The following FAM120A variants were observed in gnomAD, a reference collection of about 807,000 sequenced individuals.
FAM120A encodes the protein constitutive coactivator of PPAR-gamma-like protein 1.
In FAM120A, 15 loss-of-function variants were observed where a neutral mutation model predicts 109.7. The ratio of observed to expected loss-of-function variants is 0.14; its 90% CI spans 0.09 to 0.21. The LOEUF (loss-of-function observed/expected upper bound fraction) is 0.21. FAM120A is among the 10% of genes least tolerant of loss of function. The pLI, the probability that FAM120A is intolerant of heterozygous loss-of-function variation, is 1.00. For missense variants in FAM120A, 899 were observed against 1,439.3 expected (o/e 0.62, Z 6.07); for synonymous variants, 493 against 572.8 (o/e 0.86, Z 1.99).
chr9:93,562,599 A>G (rs1243453037), intron 17 of FAM120A, among the ~76,000 whole-genome samples: 1 of 149,232 alleles, frequency 6.7e-6, no homozygotes, highest in Non-Finnish European at 1.5e-5. Flanking sequence ...TACCTTGGGC[A>G]TTGCCTAGCC....
chr9:93,534,164 G>C (rs1040427272), intron 10 of FAM120A, among the ~76,000 whole-genome samples: 1 of 152,192 alleles, frequency 6.6e-6, no homozygotes, highest in Non-Finnish European at 1.5e-5. Context: ...AGGTTGGGAG[G>C]TCTCCGTCTG....
At chr9:93,488,039 A>C (rs1335281347) in intron 3 of FAM120A, among the ~76,000 whole-genome samples, 2 of 152,064 alleles carry the variant, frequency 1.3e-5, no homozygotes, top group Non-Finnish European at 2.9e-5. Flanking sequence ...CTCTTTCCTC[A>C]TATACACATT....
At position 93,564,398 on chromosome 9, in the gene FAM120A, G is replaced by C. The variant is rs746041831; in HGVS notation, c.3215G>C (p.Arg1072Thr). Reference sequence around the variant, plus strand: ...ATGAACGGGAGCACGGGTGACGCCAGGGCCCCCAGCCACTCTGAAAGTGCC... The same window carrying C: ...ATGAACGGGAGCACGGGTGACGCCACGGCCCCCAGCCACTCTGAAAGTGCC... ...PQMNGSTGDA[R>T]APSHSESALN... The change falls in exon 18 of 18, where the codon AGG (arginine) becomes ACG (threonine). Residue 1072 changes from arginine (R) to threonine (T), a missense_variant. Arg to Thr is a moderately conservative substitution (Grantham distance 71). This residue lies in a region of FAM120A where 170 missense variants were observed against 205.0 expected (regional missense o/e 0.83). Transcript: ENST00000277165. 3.1e-6 allele frequency: 5 copies of C among 1,613,234 alleles called. No homozygotes were observed. In the Admixed American group the frequency reaches 6.7e-5, roughly 22 times the overall value.
chr9:93,473,321 G>A (rs1858395114), intron 2 of FAM120A, among the ~76,000 whole-genome samples: 1 of 151,318 alleles, frequency 6.6e-6, no homozygotes, highest in Non-Finnish European at 1.5e-5. Context: ...TTTTTTTGTT[G>A]TTGAAACAGG....
chr9:93,562,720 C>T (rs1282660223), intron 17 of FAM120A, among the ~76,000 whole-genome samples: 1 of 149,104 alleles, frequency 6.7e-6, no homozygotes, highest in South Asian at 2.1e-4. Flanking sequence ...GCTGGAGTGC[C>T]GTGGCACAAT....
At chr9:93,529,240 G>T in intron 8 of FAM120A, 113 bp from the exon 9 acceptor site, 2 of 917,646 alleles carry the variant, frequency 2.2e-6, no homozygotes, top group Non-Finnish European at 3.2e-6. Flanking sequence ...TCTAAGACAG[G>T]ACTCATCTTT....
Position 93,497,621 on chromosome 9 carries a change from A to C in FAM120A, c.933+22A>C, listed in dbSNP as rs779733953. 29 of 1,590,990 alleles carry C rather than the reference A, an allele frequency of 1.8e-5. No individual in the cohort carries two copies. In the African/African-American group the frequency reaches 3.7e-4, roughly 20 times the overall value. On this transcript the variant is annotated intron_variant, in intron 4 of 17. Coordinates refer to ENST00000277165, the MANE Select transcript of FAM120A (RefSeq NM_014612.5). ...ACAGGTAAAAAAAAAAACAAACAAAACAAAAAAACAGATTCATGGGATATG... is the reference window on the plus strand; with the variant it reads ...ACAGGTAAAAAAAAAAACAAACAAACCAAAAAAACAGATTCATGGGATATG...
chr9:93,562,141 G>C (rs1365138142), intron 16 of FAM120A, 67 bp from the exon 17 acceptor site: 11 of 1,254,868 alleles, frequency 8.8e-6, no homozygotes, highest in Non-Finnish European at 1.3e-5. Flanking sequence ...AAAATCATTT[G>C]ATACTATTTT....
rs2261809 is a variant in FAM120A, at chr9:93,516,334, G to A, written c.1418+65G>A. ...AGTGACCTGGGGAAGCTGCCTTCTG[G>A]CCTGCCAGCCCAGCTGGTGTTTTGC... On this transcript the variant is annotated intron_variant, in intron 7 of 17. Transcript: ENST00000277165. 2.5e-3 allele frequency: 3,932 copies of A among 1,584,178 alleles called. 28 individuals are homozygous for A. Among genetic ancestry groups the A allele is most frequent in the South Asian group, 0.013 (1,081 of 85,778 alleles).
Position 93,511,002 on chromosome 9 carries a change from G to C in FAM120A, c.1031-4665G>C, listed in dbSNP as rs142909249. Among the ~76,000 whole-genome samples the C allele has an allele frequency of 4.6e-3, 693 of 151,836 alleles. 8 individuals are homozygous for C. Among genetic ancestry groups the C allele is most frequent in the African/African-American group, 0.016 (639 of 41,220 alleles). On this transcript the variant is annotated intron_variant, in intron 5 of 17. Transcript: ENST00000277165. ...TTATAGAAGTTCAGCCCAGCTCCCT[G>C]CTGTAGAATGTTCTTGTATGAGCAG...
chr9:93,558,792 T>C, intron 15 of FAM120A, 74 bp downstream of exon 15: 2 of 1,526,942 alleles, frequency 1.3e-6, no homozygotes, highest in African/African-American at 2.7e-5. Context: ...GCGCCTTCCT[T>C]CCTCTACTGT....
chr9:93,475,080 A>G (rs751073253), intron 2 of FAM120A, among the ~76,000 whole-genome samples: 6 of 152,162 alleles, frequency 3.9e-5, no homozygotes, highest in Non-Finnish European at 7.3e-5. Flanking sequence ...AATGCTTAGG[A>G]CCAGAAGTAT....
intron 1 of FAM120A, among the ~76,000 whole-genome samples, chr9:93,454,068 C>G (rs373701114): frequency 6.6e-6 from 1 of 152,154 alleles, no homozygotes; most frequent in Admixed American, 6.5e-5. Context: ...TCTTTGCACC[C>G]CTTTGAATGC....
chr9:93,473,198 G>GT (rs1011750750), intron 2 of FAM120A, among the ~76,000 whole-genome samples: 1 of 152,034 alleles, frequency 6.6e-6, no homozygotes, highest in African/African-American at 2.4e-5. Flanking sequence ...TATATTTTTA[G>GT]TAGAGACAGG....
chr9:93,522,551 A>G (rs532895675), intron 7 of FAM120A, among the ~76,000 whole-genome samples: 142 of 152,354 alleles, frequency 9.3e-4, no homozygotes, highest in Non-Finnish European at 1.4e-3. Flanking sequence ...AGATCTATAT[A>G]CATCCACTTT....
intron 12 of FAM120A, among the ~76,000 whole-genome samples, chr9:93,555,322 A>C (rs1266798938): frequency 6.6e-6 from 1 of 152,196 alleles, no homozygotes; most frequent in Non-Finnish European, 1.5e-5. Context: ...GTATTGTGAA[A>C]ATTTAAAAAA....
chr9:93,506,105 T>A (rs554548239), intron 5 of FAM120A, among the ~76,000 whole-genome samples: 50 of 152,230 alleles, frequency 3.3e-4, no homozygotes, highest in Non-Finnish European at 6.9e-4. Context: ...TAATACTTGA[T>A]GTCTGATTGG....
chr9:93,452,416 G>A lies in FAM120A; in HGVS notation c.474+27G>A. 1.3e-6 allele frequency: 2 copies of A among 1,584,192 alleles called. No homozygotes were observed. The highest frequency in any genetic ancestry group is 1.7e-6 in the Non-Finnish European group (2 of 1,166,520). Reference sequence around the variant, plus strand: ...TGAGGCCGGGGATCCGGGCGGGCCGGGGACCGGGGCCGCGCCGCACCCCTA... The same window carrying A: ...TGAGGCCGGGGATCCGGGCGGGCCGAGGACCGGGGCCGCGCCGCACCCCTA... On this transcript the variant is annotated intron_variant, in intron 1 of 17. Coordinates refer to ENST00000277165, the MANE Select transcript of FAM120A (RefSeq NM_014612.5). The surrounding 1 kb of genome is among the most constrained non-coding windows in gnomAD (Gnocchi z 7.0).
chr9:93,540,412 G>A (rs995409457), intron 10 of FAM120A, among the ~76,000 whole-genome samples: 1 of 152,182 alleles, frequency 6.6e-6, no homozygotes, highest in Non-Finnish European at 1.5e-5. Context: ...CATAACTGTT[G>A]CATGTGGGCA....
Sources: gnomAD v4.1 joint callset for allele counts (sites outside exome capture counted in the v4.1 genomes callset) on GRCh38, gnomAD v4.1.1 for gene constraint, gnomAD v4.1.1 regional missense constraint, Gnocchi (gnomAD v3.1) non-coding constraint, MANE v1.5 for transcripts, NCBI Gene and HGNC (gene_info 2026-07-23, HGNC 2026-07-21) for gene names.